PARD6G: variants seen among roughly 807,000 people sequenced by gnomAD.
PARD6G encodes the protein partitioning defective 6 homolog gamma.
In PARD6G, 7 loss-of-function variants were observed where a neutral mutation model predicts 10.7. That is an observed-to-expected ratio of 0.66 (90% CI 0.37 to 1.23). The LOEUF (loss-of-function observed/expected upper bound fraction) is 1.23. Ranked by LOEUF, PARD6G falls within the 50% of genes most tolerant of loss-of-function variation. The pLI is 0.02. For synonymous variants in PARD6G, 287 were observed against 269.4 expected (o/e 1.07, Z -0.64); for missense variants, 548 against 571.8 (o/e 0.96, Z 0.42).
At chr18:80,172,388 T>TC (rs957048758) in intron 2 of PARD6G, among the ~76,000 whole-genome samples, 4 of 151,648 alleles carry the variant, frequency 2.6e-5, no homozygotes, top group Admixed American at 6.6e-5. Flanking sequence ...TCTTTTTTTT[T>TC]TTTTTTTTGA....
At chr18:80,205,552 G>A (rs1967046930) in intron 1 of PARD6G, among the ~76,000 whole-genome samples, 1 of 152,132 alleles carries the variant, frequency 6.6e-6, no homozygotes. Flanking sequence ...TCTTGTGATG[G>A]TGAGTGAGTG....
At position 80,183,530 on chromosome 18, in the gene PARD6G, C is replaced by A. The variant is rs1218972342; in HGVS notation, c.295+19180G>T. On this transcript the variant is annotated intron_variant, in intron 2 of 2. Transcript: ENST00000353265. The surrounding 1 kb of genome is among the most constrained non-coding windows in gnomAD (Gnocchi z 4.5). Reference sequence around the variant, plus strand: ...GCCGGTCGTACACACAGCCCCAGCTCGAGCACTGTGCGGCCACTCTCTCTC... The same window carrying A: ...GCCGGTCGTACACACAGCCCCAGCTAGAGCACTGTGCGGCCACTCTCTCTC... The A allele has an allele frequency of 1.5e-5, 3 of 205,910 alleles. No individual in the cohort carries two copies. The highest frequency in any genetic ancestry group is 2.9e-5 in the Non-Finnish European group (3 of 101,884). 12.8% of individuals were successfully genotyped at this position (205,910 alleles called of 1,614,324 possible). A position where few individuals can be genotyped will look rare whatever the true frequency, so the allele number is the denominator to read the frequency against.
intron 2 of PARD6G, among the ~76,000 whole-genome samples, chr18:80,164,521 C>T (rs908940423): frequency 3.3e-5 from 5 of 152,230 alleles, no homozygotes; most frequent in African/African-American, 1.2e-4. Flanking sequence ...GAGGATGAAA[C>T]TGGGGGGTCC....
chr18:80,211,553 C>T (rs1269389881), intron 1 of PARD6G, among the ~76,000 whole-genome samples: 1 of 152,204 alleles, frequency 6.6e-6, no homozygotes, highest in Non-Finnish European at 1.5e-5. Flanking sequence ...CAGCATTCTA[C>T]CTCTGGGTAT....
chr18:80,198,535 C>T (rs1040721029), intron 2 of PARD6G, among the ~76,000 whole-genome samples: 1 of 152,120 alleles, frequency 6.6e-6, no homozygotes, highest in Non-Finnish European at 1.5e-5. Context: ...AAGTGACAGG[C>T]CCAGCTAGTC....
chr18:80,203,886 G>C (rs534302880), intron 1 of PARD6G, among the ~76,000 whole-genome samples: 1 of 152,308 alleles, frequency 6.6e-6, no homozygotes, highest in East Asian at 1.9e-4. Flanking sequence ...AATCATACAA[G>C]TCCAAGGGAG....
At chr18:80,209,969 TCCC>T (rs1261492805) in intron 1 of PARD6G, among the ~76,000 whole-genome samples, 1 of 152,224 alleles carries the variant, frequency 6.6e-6, no homozygotes, top group African/African-American at 2.4e-5. Flanking sequence ...ATCTATCTAT[TCCC>T]CCAACTCTAA....
chr18:80,196,794 C>T (rs1966959837), intron 2 of PARD6G, among the ~76,000 whole-genome samples: 1 of 151,548 alleles, frequency 6.6e-6, no homozygotes, highest in African/African-American at 2.4e-5. Context: ...ACATTTTCTC[C>T]TCCCTCAACA....
chr18:80,166,699 C>T (rs1176336427), intron 2 of PARD6G, among the ~76,000 whole-genome samples: 1 of 151,590 alleles, frequency 6.6e-6, no homozygotes, highest in Non-Finnish European at 1.5e-5. Flanking sequence ...GAGCACGAGA[C>T]AGTCCACAGG....
rs1369642437 is a variant in PARD6G, at chr18:80,158,225, G to T, written c.*1546C>A. On this transcript the variant is annotated 3_prime_UTR_variant, in exon 3 of 3. Transcript: ENST00000353265. Reference sequence around the variant, plus strand: ...CTTCTTATAGTTAAAAGTGAGAACTGCCAGTGACCATTCTAGAAATGAAAA... The same window carrying T: ...CTTCTTATAGTTAAAAGTGAGAACTTCCAGTGACCATTCTAGAAATGAAAA... 6.6e-6 allele frequency: 1 copy of T among 152,300 alleles called. No homozygotes were observed. The highest frequency in any genetic ancestry group is 1.9e-4 in the East Asian group (1 of 5,190). 9.4% of individuals were successfully genotyped at this position (152,300 alleles called of 1,614,324 possible).
intron 2 of PARD6G, among the ~76,000 whole-genome samples, chr18:80,172,181 C>T (rs115880448): frequency 6.6e-6 from 1 of 152,326 alleles, no homozygotes; most frequent in African/African-American, 2.4e-5. Flanking sequence ...TCTCCACATT[C>T]TTGACAATAC....
intron 2 of PARD6G, among the ~76,000 whole-genome samples, chr18:80,185,908 A>G (rs1195149019): frequency 6.1e-4 from 84 of 137,916 alleles, no homozygotes; most frequent in African/African-American, 2.2e-3. Context: ...ACACGCACCC[A>G]CACATGCATA....
At position 80,161,646 on chromosome 18, in the gene PARD6G, G is replaced by A. The variant is rs1046701787; in HGVS notation, c.296-1040C>T. On this transcript the variant is annotated intron_variant, in intron 2 of 2. Coordinates refer to ENST00000353265, the MANE Select transcript of PARD6G (RefSeq NM_032510.4). The surrounding 1 kb of genome is among the most constrained non-coding windows in gnomAD (Gnocchi z 4.6). ...CACGACTCTGTAAGACAGGCGTCTCGGGGAGCAGAGGGAAGGGCTTGCTCT... is the reference window on the plus strand; with the variant it reads ...CACGACTCTGTAAGACAGGCGTCTCAGGGAGCAGAGGGAAGGGCTTGCTCT... 3.9e-5 allele frequency: 6 copies of A among 152,132 alleles called. No individual in the cohort carries two copies. Among genetic ancestry groups the A allele is most frequent in the Non-Finnish European group, 5.9e-5 (4 of 68,042 alleles). 9.4% of individuals were successfully genotyped at this position (152,132 alleles called of 1,614,324 possible). A position where few individuals can be genotyped will look rare whatever the true frequency, so the allele number is the denominator to read the frequency against.
Position 80,180,404 on chromosome 18 carries a change from C to T in PARD6G, c.296-19798G>A, listed in dbSNP as rs1368931027. On this transcript the variant is annotated intron_variant, in intron 2 of 2. Coordinates refer to ENST00000353265, the MANE Select transcript of PARD6G (RefSeq NM_032510.4). This position sits in a 1 kb window ranked among gnomAD's most constrained non-coding sequence, Gnocchi z 5.6. ...CCTGGGAATGCAGCACTGTGCTCTT[C>T]CTGGGGGCTGTGGCCTCACAGAGGC... Among the ~76,000 whole-genome samples the T allele has an allele frequency of 1.3e-5, 2 of 152,146 alleles. No individual in the cohort carries two copies. The highest frequency in any genetic ancestry group is 4.8e-5 in the African/African-American group (2 of 41,426).
intron 2 of PARD6G, among the ~76,000 whole-genome samples, chr18:80,194,780 G>T (rs1300138931): frequency 6.6e-6 from 1 of 152,102 alleles, no homozygotes; most frequent in Non-Finnish European, 1.5e-5. Context: ...GGAAAGAGAT[G>T]GACATAACTG....
At chr18:80,170,308 A>G (rs1403503451) in intron 2 of PARD6G, 1 of 152,248 alleles carries the variant, frequency 6.6e-6, no homozygotes, top group Non-Finnish European at 1.5e-5. Context: ...AAACCCCAAG[A>G]CCTGTCTCCT....
At chr18:80,215,260 C>G (rs545916408) in intron 1 of PARD6G, among the ~76,000 whole-genome samples, 1 of 152,280 alleles carries the variant, frequency 6.6e-6, no homozygotes, top group South Asian at 2.1e-4. Context: ...AGGGCCTCCT[C>G]TTTCAGGCTG....
chr18:80,163,205 G>A (rs145666653), intron 2 of PARD6G, among the ~76,000 whole-genome samples: 9 of 152,296 alleles, frequency 5.9e-5, no homozygotes, highest in Non-Finnish European at 8.8e-5. Context: ...TTGAGGACAG[G>A]CCCTATGCTC....
chr18:80,186,577 A>AC (rs544824993), intron 2 of PARD6G, among the ~76,000 whole-genome samples: 26 of 149,114 alleles, frequency 1.7e-4, no homozygotes, highest in East Asian at 5.9e-4. Flanking sequence ...GCCCTTGCAC[A>AC]CCCCCCCAAA....
Sources: allele counts gnomAD v4.1 joint callset (sites outside exome capture counted in the v4.1 genomes callset), GRCh38; gene constraint gnomAD v4.1.1; non-coding constraint Gnocchi (gnomAD v3.1); transcripts MANE v1.5; gene names NCBI Gene and HGNC (gene_info 2026-07-23, HGNC 2026-07-21).